The following LIG1 variants were observed in gnomAD, a reference collection of about 807,000 sequenced individuals.
LIG1 encodes DNA ligase 1, also known as ligase I, DNA, ATP-dependent.
A neutral mutation model predicts 115.7 loss-of-function variants in LIG1; 70 were observed. The observed-to-expected ratio is 0.60, with a 90% confidence interval of 0.50 to 0.74. The LOEUF (loss-of-function observed/expected upper bound fraction) is 0.74, where lower values mean the gene tolerates loss of function less well. LIG1 is among the 30% of genes least tolerant of loss of function. The pLI is 0.00. For synonymous variants in LIG1, 487 were observed against 495.3 expected (o/e 0.98, Z 0.22); for missense variants, 1,115 against 1,225.6 (o/e 0.91, Z 1.35).
chr19:48,123,060 A>G (rs1203510372), intron 22 of LIG1, 44 bp from the exon 23 acceptor site: 1 of 1,611,528 alleles, frequency 6.2e-7, no homozygotes, highest in African/African-American at 1.3e-5. Context: ...GCCCTGGCTC[A>G]CAAGCGCCGG....
At chr19:48,157,736 G>A (rs1051371190) in intron 4 of LIG1, among the ~76,000 whole-genome samples, 3 of 152,022 alleles carry the variant, frequency 2.0e-5, no homozygotes, top group Non-Finnish European at 4.4e-5. Flanking sequence ...TTATAGAGAT[G>A]GGGCTTCACC....
At chr19:48,146,904 G>A (rs540526881) in intron 9 of LIG1, among the ~76,000 whole-genome samples, 34 of 152,262 alleles carry the variant, frequency 2.2e-4, no homozygotes, top group Non-Finnish European at 4.4e-4. Context: ...GTGACCTGGC[G>A]AGGCCCGACC....
intron 8 of LIG1, 90 bp downstream of exon 8, chr19:48,149,998 G>A: frequency 6.2e-7 from 1 of 1,600,978 alleles, no homozygotes. Flanking sequence ...AGGAAGAAGG[G>A]TCTTCGCAGC....
At chr19:48,145,558 A>C (rs1418071316) in intron 9 of LIG1, among the ~76,000 whole-genome samples, 3 of 148,714 alleles carry the variant, frequency 2.0e-5, no homozygotes, top group Non-Finnish European at 4.5e-5. Flanking sequence ...ATGCTCACAC[A>C]GGGCATGGAT....
intron 9 of LIG1, among the ~76,000 whole-genome samples, chr19:48,149,231 A>T (rs1336013937): frequency 6.6e-6 from 1 of 152,206 alleles, no homozygotes; most frequent in Non-Finnish European, 1.5e-5. Flanking sequence ...TGGGAGGTGG[A>T]GGCTGTGGTG....
At position 48,118,351 on chromosome 19, in the gene LIG1, G is replaced by A. The variant is rs374694078; in HGVS notation, c.2440-570C>T. On this transcript the variant is annotated intron_variant, in intron 25 of 27. Transcript: ENST00000263274. ...GGCAGGTTTTTCCCGTGCTGTTCTC[G>A]TGATAGTGAGGAAGTCTCACGAGAT... 3.2e-4 allele frequency: 55 copies of A among 170,414 alleles called. No individual in the cohort carries two copies. The East Asian group carries it at 4.9e-3, about 15-fold the overall frequency. 10.6% of individuals were successfully genotyped at this position (170,414 alleles called of 1,614,324 possible).
chr19:48,136,937 GCCAGTCCCTC>G, intron 14 of LIG1, 61 bp downstream of exon 14: 1 of 1,229,538 alleles, frequency 8.1e-7, no homozygotes, highest in Non-Finnish European at 1.2e-6. Flanking sequence ...GATTCCAGCT[GCCAGTCCCTC>G]CCTCCTTTCA....
At chr19:48,151,384 A>G in intron 6 of LIG1, 45 bp from the exon 7 acceptor site, 1 of 1,189,336 alleles carries the variant, frequency 8.4e-7, no homozygotes, top group Non-Finnish European at 1.3e-6. Flanking sequence ...ATCCCATTGA[A>G]CCTACAAGGG....
chr19:48,139,861 C>T, intron 12 of LIG1, 110 bp downstream of exon 12: 5 of 1,310,044 alleles, frequency 3.8e-6, no homozygotes, highest in South Asian at 1.2e-5. Flanking sequence ...GCCTTCTCCT[C>T]AACCCTGTTT....
chr19:48,123,427 G>T, intron 21 of LIG1, 109 bp from the exon 22 acceptor site: 8 of 1,322,468 alleles, frequency 6.0e-6, no homozygotes, highest in Non-Finnish European at 8.5e-6. Context: ...CTAGTGACAG[G>T]GTTCGTGGAA....
rs1214018839 is a variant in LIG1 at position 48,122,917 on chromosome 19, T to A, written c.2232+17A>T. Reference sequence around the variant, plus strand: ...AGACCCGGGGTGGAGAAGGCCCAGTTGGGGGTCGAGAATCACCTTGAGCCA... The same window carrying A: ...AGACCCGGGGTGGAGAAGGCCCAGTAGGGGGTCGAGAATCACCTTGAGCCA... On this transcript the variant is annotated intron_variant, in intron 23 of 27. Coordinates refer to ENST00000263274, the MANE Select transcript of LIG1 (RefSeq NM_000234.3). This position sits in a 1 kb window ranked among gnomAD's most constrained non-coding sequence, Gnocchi z 4.3. 6.2e-7 allele frequency: 1 copy of A among 1,611,624 alleles called. No homozygotes were observed. Among genetic ancestry groups the A allele is most frequent in the Admixed American group, 1.7e-5 (1 of 59,548 alleles).
rs1233646088 is a variant in LIG1, at chr19:48,137,082, G to A, written c.1257C>T (p.Ser419=). The A allele has an allele frequency of 6.2e-7, 1 of 1,612,298 alleles. No individual in the cohort carries two copies. The stretch of plus-strand genomic sequence containing the variant: ...TGATGATGTCTATCTTCTTGGCTGT[G>A]GACTGGAGAGTCAGGGGAAGAGCCG... ...RDIARLTGSA[S]TAKKIDIIKG... Residue 419 remains serine (S), a splice_region_variant and synonymous_variant, in exon 14 of 28, where the codon TCC becomes TCT. Transcript: ENST00000263274. The surrounding 1 kb of genome is among the most constrained non-coding windows in gnomAD (Gnocchi z 4.3).
In LIG1 at chr19:48,123,020, A is replaced by C. The variant is rs761725909; in HGVS notation, c.2150-4T>G. On this transcript the variant is annotated splice_polypyrimidine_tract_variant and splice_region_variant and intron_variant, in intron 22 of 27. Coordinates refer to ENST00000263274, the MANE Select transcript of LIG1 (RefSeq NM_000234.3). The stretch of plus-strand genomic sequence containing the variant: ...ACCATCAGCCCCTCGCAGGAGTCTG[A>C]GGGAGACACAGAAGCGTGGTCCTTG... 3 of 1,613,800 alleles carry C rather than the reference A, an allele frequency of 1.9e-6. No individual in the cohort carries two copies. In the East Asian group the frequency reaches 6.7e-5, roughly 36 times the overall value.
chr19:48,164,000 T>C (rs1259832252), intron 2 of LIG1, among the ~76,000 whole-genome samples: 1 of 138,892 alleles, frequency 7.2e-6, no homozygotes, highest in Non-Finnish European at 1.6e-5. Flanking sequence ...AAAAATCTGG[T>C]GAAATCTGAA....
chr19:48,157,160 T>C lies in LIG1; in HGVS notation c.244-20A>G, dbSNP rs767424056. 1.9e-6 allele frequency: 3 copies of C among 1,596,750 alleles called. No homozygotes were observed. In the South Asian group the frequency reaches 3.4e-5, roughly 18 times the overall value. ...AGGCTTCTGGAAGAGGAAAGAACAG[T>C]TCTAGAGTGAGCGGGGGAAGGAGGG... On this transcript the variant is annotated intron_variant, in intron 4 of 27. Coordinates refer to ENST00000263274, the MANE Select transcript of LIG1 (RefSeq NM_000234.3).
At chr19:48,159,336 T>G (rs12986286) in intron 4 of LIG1, among the ~76,000 whole-genome samples, 1 of 152,134 alleles carries the variant, frequency 6.6e-6, no homozygotes, top group East Asian at 1.9e-4. Context: ...TCCCAAAGTG[T>G]TGGGATTACA....
chr19:48,124,576 T>G (rs2033538204), intron 21 of LIG1, among the ~76,000 whole-genome samples: 1 of 152,214 alleles, frequency 6.6e-6, no homozygotes, highest in Admixed American at 6.5e-5. Context: ...GAAGACTTAA[T>G]CCAAGAAAAG....
Position 48,144,893 on chromosome 19 carries a change from C to T in LIG1, c.777-930G>A, listed in dbSNP as rs182258978. 3.2e-4 allele frequency among the ~76,000 whole-genome samples: 49 copies of T among 152,070 alleles called. No homozygotes were observed. The East Asian group carries it at 9.1e-3, about 28-fold the overall frequency. ...CCATGGCCACACAGCTGGTAAGCAG[C>T]GCAGCTCTAGAGACAGTTCCCAACC... On this transcript the variant is annotated intron_variant, in intron 9 of 27. Coordinates refer to ENST00000263274, the MANE Select transcript of LIG1 (RefSeq NM_000234.3).
chr19:48,155,121 C>G (rs2035753654), intron 5 of LIG1, among the ~76,000 whole-genome samples: 2 of 152,144 alleles, frequency 1.3e-5, no homozygotes, highest in South Asian at 4.1e-4. Context: ...CCTGGAGCTC[C>G]CAGCATGCCC....
Sources: allele counts gnomAD v4.1 joint callset (sites outside exome capture counted in the v4.1 genomes callset), GRCh38; gene constraint gnomAD v4.1.1; non-coding constraint Gnocchi (gnomAD v3.1); transcripts MANE v1.5; gene names NCBI Gene and HGNC (gene_info 2026-07-23, HGNC 2026-07-21).